NPTN: variants seen among roughly 807,000 people sequenced by gnomAD.
The protein encoded by NPTN is neuroplastin.
NPTN carries 5 observed loss-of-function variants against 42.7 expected under a neutral mutation model. The observed-to-expected ratio is 0.12, with a 90% confidence interval of 0.06 to 0.25. The LOEUF (loss-of-function observed/expected upper bound fraction) is 0.25. NPTN is among the 10% of genes least tolerant of loss of function. The probability of loss-of-function intolerance (pLI) is 1.00; values close to 1 mark genes in which losing one functional copy is unlikely to be tolerated. For synonymous variants in NPTN, 180 were observed against 201.9 expected, an observed-to-expected ratio of 0.89 and a Z score of 0.92; for missense variants, 307 against 525.4, an observed-to-expected ratio of 0.58 and a Z score of 4.06.
intron 4 of NPTN, among the ~76,000 whole-genome samples, chr15:73,576,919 T>C (rs542783942): frequency 6.4e-4 from 97 of 152,306 alleles, no homozygotes; most frequent in Non-Finnish European, 1.1e-3. Context: ...TTGTTTTTAA[T>C]AAAAATGGGG....
chr15:73,576,078 A>G (rs1351016771), intron 4 of NPTN, among the ~76,000 whole-genome samples: 3 of 152,244 alleles, frequency 2.0e-5, no homozygotes, highest in Middle Eastern at 3.4e-3. Flanking sequence ...AGCTTACTTC[A>G]GTCCATAAAT....
In NPTN at chr15:73,603,511, G is replaced by A. The variant is rs554668505; in HGVS notation, c.92-6142C>T. 4.6e-5 allele frequency among the ~76,000 whole-genome samples: 7 copies of A among 152,240 alleles called. No individual in the cohort carries two copies. The South Asian group carries it at 1.0e-3, about 23-fold the overall frequency. On this transcript the variant is annotated intron_variant, in intron 1 of 8. Transcript: ENST00000345330. Reference sequence around the variant, plus strand: ...TTCCTTCCTATCTTTAGAGCAAACTGGAATGAACAAAGTGATAATAGCAGA... The same window carrying A: ...TTCCTTCCTATCTTTAGAGCAAACTAGAATGAACAAAGTGATAATAGCAGA...
chr15:73,569,275 A>G lies in NPTN; in HGVS notation c.1114+875T>C. 1 of 985,554 alleles carries G rather than the reference A, an allele frequency of 1.0e-6. No individual in the cohort carries two copies. The highest frequency in any genetic ancestry group is 1.2e-6 in the Non-Finnish European group (1 of 830,014). 61.1% of individuals were successfully genotyped at this position (985,554 alleles called of 1,614,324 possible). On this transcript the variant is annotated intron_variant, in intron 6 of 8. Transcript: ENST00000345330. This position sits in a 1 kb window ranked among gnomAD's most constrained non-coding sequence, Gnocchi z 4.1. ...ACTGCAGATACAAGTCTCCATCAGC[A>G]GCTTCCCCCTTCACAGGAAAAATCG...
chr15:73,629,045 G>A (rs956834390), intron 1 of NPTN, among the ~76,000 whole-genome samples: 2 of 152,128 alleles, frequency 1.3e-5, no homozygotes, highest in African/African-American at 2.4e-5. Flanking sequence ...GCTCTACTGC[G>A]TCTGGCAACA....
At chr15:73,632,980 G>A (rs937873030) in intron 1 of NPTN, 145 bp downstream of exon 1, 2 of 556,714 alleles carry the variant, frequency 3.6e-6, no homozygotes, top group Non-Finnish European at 5.7e-6. Flanking sequence ...CCCGCAGCCG[G>A]TACCTCCTCT....
intron 1 of NPTN, among the ~76,000 whole-genome samples, chr15:73,604,268 G>T (rs138682407): frequency 3.9e-5 from 6 of 152,056 alleles, no homozygotes; most frequent in African/African-American, 1.4e-4. Flanking sequence ...GCTCGAGACC[G>T]GCCTGGGTAA....
intron 1 of NPTN, among the ~76,000 whole-genome samples, chr15:73,613,753 TC>T (rs1289560539): frequency 6.6e-6 from 1 of 152,014 alleles, no homozygotes; most frequent in African/African-American, 2.4e-5. Context: ...TGGCACAATC[TC>T]AGCTCACTGC....
At position 73,581,623 on chromosome 15, in the gene NPTN, G is replaced by A. The variant is rs534274454; in HGVS notation, c.706+5901C>T. On this transcript the variant is annotated intron_variant, in intron 4 of 8. Coordinates refer to ENST00000345330, the MANE Select transcript of NPTN (RefSeq NM_012428.4). ...ATCTGGGCAGTCTGGGACTCTGGCTGAGGACGAATGCATGTTCCTTAGTAC... is the reference window on the plus strand; with the variant it reads ...ATCTGGGCAGTCTGGGACTCTGGCTAAGGACGAATGCATGTTCCTTAGTAC... Among the ~76,000 whole-genome samples, 20 of 152,274 alleles carry A rather than the reference G, an allele frequency of 1.3e-4. No individual in the cohort carries two copies. The East Asian group carries it at 3.7e-3, about 28-fold the overall frequency.
At chr15:73,614,376 A>G (rs1303217494) in intron 1 of NPTN, among the ~76,000 whole-genome samples, 3 of 152,188 alleles carry the variant, frequency 2.0e-5, no homozygotes, top group Non-Finnish European at 4.4e-5. Context: ...ATACACATAT[A>G]TTAAAACCTG....
intron 1 of NPTN, among the ~76,000 whole-genome samples, chr15:73,598,708 G>A (rs1668066778): frequency 6.6e-6 from 1 of 152,158 alleles, no homozygotes. Flanking sequence ...CAGCCCCTGT[G>A]CAGTAAGCAG....
chr15:73,631,056 A>G (rs1372378929), intron 1 of NPTN, among the ~76,000 whole-genome samples: 1 of 152,250 alleles, frequency 6.6e-6, no homozygotes, highest in Non-Finnish European at 1.5e-5. Flanking sequence ...TATTTAGAAC[A>G]CATATCACTG....
At position 73,592,208 on chromosome 15, in the gene NPTN, A is replaced by T; in HGVS notation, c.440-71T>A. 3 of 1,382,140 alleles carry T rather than the reference A, an allele frequency of 2.2e-6. No homozygotes were observed. The Admixed American group carries it at 5.7e-5, about 26-fold the overall frequency. The allele number at this position is 1,382,140 out of a possible 1,614,324, so 85.6% of individuals were successfully genotyped here. A position where few individuals can be genotyped will look rare whatever the true frequency, so the allele number is the denominator to read the frequency against. Reference sequence around the variant, plus strand: ...TCTGTAGCCCTGGCCTGAGAGTTGGACGGGGTAGGAGGGGGAAACTAGAAA... The same window carrying T: ...TCTGTAGCCCTGGCCTGAGAGTTGGTCGGGGTAGGAGGGGGAAACTAGAAA... On this transcript the variant is annotated intron_variant, in intron 2 of 8. Coordinates refer to ENST00000345330, the MANE Select transcript of NPTN (RefSeq NM_012428.4).
chr15:73,568,101 A>G (rs1380874211), intron 6 of NPTN: 1 of 985,294 alleles, frequency 1.0e-6, no homozygotes, highest in African/African-American at 1.7e-5. Context: ...TAACCAAGAA[A>G]ACTCTTACAA....
chr15:73,576,475 T>A (rs533296220), intron 4 of NPTN, among the ~76,000 whole-genome samples: 2 of 152,304 alleles, frequency 1.3e-5, no homozygotes, highest in Admixed American at 1.3e-4. Context: ...ATTATAGGCA[T>A]CTGCCACCAT....
At chr15:73,615,966 GGTAA>G (rs1352445844) in intron 1 of NPTN, among the ~76,000 whole-genome samples, 1 of 151,886 alleles carries the variant, frequency 6.6e-6, no homozygotes, top group African/African-American at 2.4e-5. Context: ...TCAAAACTCG[GGTAA>G]GTGACAGGTA....
chr15:73,567,446 C>T, intron 6 of NPTN: 1 of 985,330 alleles, frequency 1.0e-6, no homozygotes. Flanking sequence ...TAATGTACCT[C>T]TTCGTTTATT....
chr15:73,571,392 G>C (rs1047285895), intron 5 of NPTN, among the ~76,000 whole-genome samples: 1 of 152,208 alleles, frequency 6.6e-6, no homozygotes, highest in African/African-American at 2.4e-5. Context: ...TGAATAAGGA[G>C]CTTGGCCTCA....
rs114503076 is a variant in NPTN at position 73,573,228 on chromosome 15, C to T, written c.840+434G>A. Among the ~76,000 whole-genome samples, 1,500 of 152,246 alleles carry T rather than the reference C, an allele frequency of 9.9e-3. 24 individuals carry two copies. Among genetic ancestry groups the T allele is most frequent in the African/African-American group, 0.034 (1,425 of 41,532 alleles). On this transcript the variant is annotated intron_variant, in intron 5 of 8. Transcript: ENST00000345330. ...ACCTTCAGTTACAGTAATCTGAAAGCAATAAAACTCAAAGCAGGCCAGATG... is the reference window on the plus strand; with the variant it reads ...ACCTTCAGTTACAGTAATCTGAAAGTAATAAAACTCAAAGCAGGCCAGATG...
chr15:73,609,587 C>T (rs1345443113), intron 1 of NPTN, among the ~76,000 whole-genome samples: 1 of 152,068 alleles, frequency 6.6e-6, no homozygotes, highest in Non-Finnish European at 1.5e-5. Context: ...GCCGAGACGG[C>T]GCCATTGTAC....
Sources: allele counts gnomAD v4.1 joint callset (sites outside exome capture counted in the v4.1 genomes callset), GRCh38; gene constraint gnomAD v4.1.1; non-coding constraint Gnocchi (gnomAD v3.1); transcripts MANE v1.5; gene names NCBI Gene and HGNC (gene_info 2026-07-23, HGNC 2026-07-21).